TMEM178A: variants seen among roughly 807,000 people sequenced by gnomAD.
TMEM178A encodes the protein transmembrane protein 178.
In TMEM178A, 12 loss-of-function variants were observed where a neutral mutation model predicts 29.1. The ratio of observed to expected loss-of-function variants is 0.41; its 90% CI spans 0.26 to 0.67. TMEM178A has a LOEUF of 0.67. TMEM178A is among the 30% of genes least tolerant of loss of function. The pLI is 0.29. For synonymous variants in TMEM178A, 210 were observed against 187.2 expected, an observed-to-expected ratio of 1.12 and a Z score of -0.99; for missense variants, 366 against 419.1, an observed-to-expected ratio of 0.87 and a Z score of 1.11.
the TMEM178A span, among the ~76,000 whole-genome samples, chr2:39,729,101 T>C: frequency 1.4e-3 from 211 of 151,988 alleles, 1 homozygote; most frequent in African/African-American, 4.9e-3. Context: ...AAAAAAAAAT[T>C]AGAATGCTCA....
intron 1 of TMEM178A, among the ~76,000 whole-genome samples, chr2:39,698,706 T>G (rs959149975): frequency 3.9e-5 from 6 of 152,104 alleles, no homozygotes; most frequent in East Asian, 3.9e-4. Context: ...CTATTTTTTT[T>G]TTTTGTTTTG....
Position 39,717,261 on chromosome 2 carries a change from C to T in TMEM178A, c.*10C>T, listed in dbSNP as rs781532013. ...AGACTCCACGGTATGACTGTCCTCA[C>T]TGGGCCTGTCCACAGTGCGAGCGAC... On this transcript the variant is annotated 3_prime_UTR_variant, in exon 4 of 4. Coordinates refer to ENST00000281961, the MANE Select transcript of TMEM178A (RefSeq NM_152390.3). 6.2e-7 allele frequency: 1 copy of T among 1,612,896 alleles called. No homozygotes were observed. The highest frequency in any genetic ancestry group is 2.2e-5 in the East Asian group (1 of 44,880).
chr2:39,731,610 C>G, the TMEM178A span, among the ~76,000 whole-genome samples: 1 of 152,180 alleles, frequency 6.6e-6, no homozygotes, highest in African/African-American at 2.4e-5. Flanking sequence ...GGATATCTAC[C>G]GACATGACCC....
the TMEM178A span, among the ~76,000 whole-genome samples, chr2:39,730,584 G>T: frequency 1.1e-4 from 17 of 152,198 alleles, no homozygotes; most frequent in Non-Finnish European, 1.6e-4. Flanking sequence ...TAAGAAAGGA[G>T]ACCCACAGGC....
intron 3 of TMEM178A, among the ~76,000 whole-genome samples, chr2:39,707,789 G>T (rs1672102264): frequency 3.9e-5 from 6 of 152,166 alleles, no homozygotes; most frequent in Admixed American, 3.9e-4. Context: ...TTCATACTGT[G>T]CCCCAAACCC....
chr2:39,676,656 A>G (rs1392883988), intron 1 of TMEM178A, among the ~76,000 whole-genome samples: 2 of 152,198 alleles, frequency 1.3e-5, no homozygotes, highest in African/African-American at 4.8e-5. Context: ...CCCAGGAAGC[A>G]CTTGGCTGGC....
At chr2:39,716,581 C>T (rs893025595) in intron 3 of TMEM178A, among the ~76,000 whole-genome samples, 2 of 152,094 alleles carry the variant, frequency 1.3e-5, no homozygotes, top group Non-Finnish European at 1.5e-5. Context: ...TGTTGTATAA[C>T]GATTACAACA....
chr2:39,720,864 C>T (rs970974736), downstream of TMEM178A, among the ~76,000 whole-genome samples: 2 of 152,098 alleles, frequency 1.3e-5, no homozygotes, highest in African/African-American at 4.8e-5. Flanking sequence ...AGCAAGGAAA[C>T]CTCATTAGAA....
At chr2:39,670,541 A>T (rs1670369942) in intron 1 of TMEM178A, among the ~76,000 whole-genome samples, 1 of 152,252 alleles carries the variant, frequency 6.6e-6, no homozygotes, top group Admixed American at 6.5e-5. Context: ...GACAGAAAAT[A>T]CAGGGCAGAG....
intron 1 of TMEM178A, among the ~76,000 whole-genome samples, chr2:39,688,261 A>T (rs530337022): frequency 6.6e-6 from 1 of 152,356 alleles, no homozygotes; most frequent in East Asian, 1.9e-4. Context: ...CAGGATTATC[A>T]TTTTCCTAGA....
At chr2:39,711,747 A>G (rs1007280687) in intron 3 of TMEM178A, among the ~76,000 whole-genome samples, 9 of 152,196 alleles carry the variant, frequency 5.9e-5, no homozygotes, top group Admixed American at 2.0e-4. Flanking sequence ...TACTTTTTCT[A>G]TAACCTTGGG....
At chr2:39,733,303 G>A in the TMEM178A span, among the ~76,000 whole-genome samples, 1 of 152,228 alleles carries the variant, frequency 6.6e-6, no homozygotes, top group African/African-American at 2.4e-5. Context: ...TCACTCTCAT[G>A]TGGAAATTGG....
chr2:39,707,214 C>G (rs760809918), intron 3 of TMEM178A, 28 bp downstream of exon 3: 1 of 1,589,292 alleles, frequency 6.3e-7, no homozygotes, highest in Admixed American at 1.8e-5. Flanking sequence ...GGCCGTCTGT[C>G]CCAGCCAAGG....
At chr2:39,714,642 C>T (rs1013700275) in intron 3 of TMEM178A, among the ~76,000 whole-genome samples, 6 of 152,180 alleles carry the variant, frequency 3.9e-5, no homozygotes, top group Admixed American at 3.9e-4. Flanking sequence ...CACAAACATC[C>T]ATGACACTGA....
downstream of TMEM178A, among the ~76,000 whole-genome samples, chr2:39,722,857 G>C (rs770795786): frequency 2.6e-5 from 4 of 152,178 alleles, no homozygotes; most frequent in African/African-American, 9.7e-5. Context: ...CCTTGAGTGT[G>C]GGTGTGAGGA....
the TMEM178A span, among the ~76,000 whole-genome samples, chr2:39,723,189 C>T: frequency 2.1e-4 from 32 of 152,304 alleles, no homozygotes; most frequent in East Asian, 2.9e-3. Flanking sequence ...CTTTAGAAAC[C>T]TAGCCACGCC....
In TMEM178A at chr2:39,707,119, C is replaced by T; in HGVS notation, c.585C>T (p.Ala195=). Residue 195 remains alanine (A), a synonymous_variant, in exon 3 of 4, where the codon GCC becomes GCT. Coordinates refer to ENST00000281961, the MANE Select transcript of TMEM178A (RefSeq NM_152390.3). ...VAVLLCGCIV[A]TVSFFWEESL... is the part of the protein sequence containing the mutation. ...TCCTTCTCTGCGGCTGCATTGTGGCCACAGTCAGTTTCTTCTGGGAGGAGA... is the reference window on the plus strand; with the variant it reads ...TCCTTCTCTGCGGCTGCATTGTGGCTACAGTCAGTTTCTTCTGGGAGGAGA... 2.5e-6 allele frequency: 4 copies of T among 1,614,212 alleles called. No homozygotes were observed. Among genetic ancestry groups the T allele is most frequent in the African/African-American group, 1.3e-5 (1 of 75,062 alleles).
At chr2:39,708,351 G>T (rs1338424765) in intron 3 of TMEM178A, among the ~76,000 whole-genome samples, 1 of 150,068 alleles carries the variant, frequency 6.7e-6, no homozygotes, top group African/African-American at 2.4e-5. Flanking sequence ...GGAGAGCTTG[G>T]ATTTGAAGCT....
chr2:39,734,697 G>C, the TMEM178A span, among the ~76,000 whole-genome samples: 2 of 151,888 alleles, frequency 1.3e-5, no homozygotes, highest in East Asian at 1.9e-4. Context: ...GTCTAAATTA[G>C]AGTGTCTAGA....
Sources: gnomAD v4.1 joint callset for allele counts (sites outside exome capture counted in the v4.1 genomes callset) on GRCh38, gnomAD v4.1.1 for gene constraint, MANE v1.5 for transcripts, NCBI Gene and HGNC (gene_info 2026-07-23, HGNC 2026-07-21) for gene names.